The following HDAC9 variants were observed in gnomAD, a reference collection of about 807,000 sequenced individuals.
HDAC9 encodes MEF-2 interacting transcription repressor (MITR) protein.
Under a neutral mutation model 139.4 loss-of-function variants are expected in HDAC9, and 41 were observed. The observed-to-expected ratio is 0.29, with a 90% CI of 0.23 to 0.38. The LOEUF (loss-of-function observed/expected upper bound fraction) is 0.38, where lower values mean the gene tolerates loss of function less well. Among genes scored for constraint, HDAC9 ranks in the 10% least tolerant of loss-of-function variants. The pLI is 1.00. For synonymous variants in HDAC9, 517 were observed against 476.2 expected, an observed-to-expected ratio of 1.09 and a Z score of -1.12; for missense variants, 1,147 against 1,297.0, an observed-to-expected ratio of 0.88 and a Z score of 1.78.
chr7:18,809,571 A>G (rs924802482), intron 17 of HDAC9, among the ~76,000 whole-genome samples: 9 of 152,126 alleles, frequency 5.9e-5, no homozygotes, highest in African/African-American at 2.2e-4. Context: ...ATACAGACAT[A>G]TATCTGGCCA....
At chr7:18,468,514 A>G (rs1794476241) in intron 1 of HDAC9, among the ~76,000 whole-genome samples, 1 of 151,932 alleles carries the variant, frequency 6.6e-6, no homozygotes, top group African/African-American at 2.4e-5. Context: ...GTGTGATCAT[A>G]GTGTAATACA....
At chr7:18,407,272 A>G (rs1456171866) in intron 1 of HDAC9, among the ~76,000 whole-genome samples, 1 of 152,182 alleles carries the variant, frequency 6.6e-6, no homozygotes, top group Non-Finnish European at 1.5e-5. Context: ...ATGCTATCCG[A>G]TGATTCCTTT....
intron 1 of HDAC9, among the ~76,000 whole-genome samples, chr7:18,124,426 C>T (rs1484098957): frequency 6.6e-6 from 1 of 152,154 alleles, no homozygotes; most frequent in Non-Finnish European, 1.5e-5. Context: ...GTTTATTCCT[C>T]AGTTTATTCA....
intron 24 of HDAC9, among the ~76,000 whole-genome samples, chr7:18,964,019 C>T (rs1168583915): frequency 1.3e-5 from 2 of 152,196 alleles, no homozygotes; most frequent in Non-Finnish European, 2.9e-5. Context: ...AAAATCTCAA[C>T]CCTGGATATA....
At chr7:18,923,144 T>C (rs961772610) in intron 22 of HDAC9, among the ~76,000 whole-genome samples, 3 of 152,112 alleles carry the variant, frequency 2.0e-5, no homozygotes, top group African/African-American at 4.8e-5. Context: ...ATACTTGTGA[T>C]TGGGATAAGT....
At chr7:18,832,455 T>C (rs1469419187) in intron 19 of HDAC9, among the ~76,000 whole-genome samples, 2 of 152,242 alleles carry the variant, frequency 1.3e-5, no homozygotes. Flanking sequence ...TAAATCCTTG[T>C]ACAGCATCAA....
chr7:18,743,717 A>AAAATTG (rs1388764378), intron 13 of HDAC9, among the ~76,000 whole-genome samples: 1 of 151,372 alleles, frequency 6.6e-6, no homozygotes, highest in Non-Finnish European at 1.5e-5. Flanking sequence ...AATTAAAATT[A>AAAATTG]AACAATTAAA....
intron 1 of HDAC9, among the ~76,000 whole-genome samples, chr7:18,388,481 G>T (rs1786153413): frequency 6.6e-6 from 1 of 152,146 alleles, no homozygotes; most frequent in Non-Finnish European, 1.5e-5. Flanking sequence ...GTGCTTTTTT[G>T]AAATTTTAAT....
At chr7:18,263,149 G>C (rs138490365) in intron 2 of HDAC9, among the ~76,000 whole-genome samples, 40 of 152,276 alleles carry the variant, frequency 2.6e-4, no homozygotes, top group Non-Finnish European at 1.2e-4. Context: ...GTAAAAGAAT[G>C]TAGAAAGTAA....
At chr7:18,965,366 A>G (rs1217242479) in intron 24 of HDAC9, among the ~76,000 whole-genome samples, 1 of 152,262 alleles carries the variant, frequency 6.6e-6, no homozygotes, top group Non-Finnish European at 1.5e-5. Context: ...GCTTGAATAT[A>G]TCAAAACATT....
chr7:18,177,999 G>A (rs778935527), intron 2 of HDAC9, among the ~76,000 whole-genome samples: 8 of 151,776 alleles, frequency 5.3e-5, no homozygotes, highest in Non-Finnish European at 1.0e-4. Context: ...GTTGACTTTC[G>A]GTTCTTTTCA....
chr7:18,988,733 G>T (rs997586192), intron 25 of HDAC9, among the ~76,000 whole-genome samples: 2 of 151,518 alleles, frequency 1.3e-5, no homozygotes, highest in African/African-American at 4.8e-5. Flanking sequence ...CTTGCTTTAT[G>T]AATCTGGGTG....
At chr7:18,220,135 T>C (rs1792594339) in intron 2 of HDAC9, among the ~76,000 whole-genome samples, 2 of 152,116 alleles carry the variant, frequency 1.3e-5, no homozygotes, top group South Asian at 4.1e-4. Context: ...GAAGGGGAGA[T>C]CTTCACAAGA....
intron 1 of HDAC9, among the ~76,000 whole-genome samples, chr7:18,376,395 T>A (rs1334061562): frequency 6.6e-6 from 1 of 152,358 alleles, no homozygotes; most frequent in South Asian, 2.1e-4. Flanking sequence ...GCCATAATTT[T>A]GATTTCATAG....
At chr7:18,871,350 C>T (rs546403010) in intron 21 of HDAC9, among the ~76,000 whole-genome samples, 8 of 152,222 alleles carry the variant, frequency 5.3e-5, no homozygotes, top group Middle Eastern at 3.4e-3. Context: ...TGGAATCAAC[C>T]ACTTCTCCAA....
chr7:18,451,338 G>C (rs1055141542), intron 1 of HDAC9, among the ~76,000 whole-genome samples: 1 of 149,308 alleles, frequency 6.7e-6, no homozygotes, highest in Non-Finnish European at 1.5e-5. Flanking sequence ...GTTATAGCAG[G>C]CTGAATGGAC....
At chr7:18,257,417 AC>A (rs1481582352) in intron 2 of HDAC9, among the ~76,000 whole-genome samples, 14 of 150,612 alleles carry the variant, frequency 9.3e-5, no homozygotes, top group African/African-American at 3.2e-4. Flanking sequence ...ACACACACAC[AC>A]ACACACACAC....
At chr7:18,791,918 A>G (rs1296628259) in intron 16 of HDAC9, among the ~76,000 whole-genome samples, 2 of 152,190 alleles carry the variant, frequency 1.3e-5, no homozygotes, top group African/African-American at 4.8e-5. Flanking sequence ...TCACAGATAA[A>G]GGAACCAAGG....
At chr7:18,096,975 G>A (rs1271860239) in intron 1 of HDAC9, among the ~76,000 whole-genome samples, 1 of 151,458 alleles carries the variant, frequency 6.6e-6, no homozygotes, top group Non-Finnish European at 1.5e-5. Flanking sequence ...TCTAACAGTT[G>A]TATAGATTAG....
Sources: allele counts gnomAD v4.1 joint callset (sites outside exome capture counted in the v4.1 genomes callset), GRCh38; gene constraint gnomAD v4.1.1; transcripts MANE v1.5; gene names NCBI Gene and HGNC (gene_info 2026-07-23, HGNC 2026-07-21).